The following KATNAL1 variants were observed in gnomAD, a reference collection of about 807,000 sequenced individuals.
KATNAL1 encodes the protein katanin p60 ATPase-containing subunit A-like 1.
Under a neutral mutation model 55.2 loss-of-function variants are expected in KATNAL1, and 32 were observed. The observed-to-expected ratio is 0.58, with a 90% CI of 0.44 to 0.78. KATNAL1 has a LOEUF of 0.78. Ranked by LOEUF, KATNAL1 falls within the 30% of genes least tolerant of loss-of-function variation. The pLI, the probability that KATNAL1 is intolerant of heterozygous loss-of-function variation, is 0.00. For missense variants in KATNAL1, 466 were observed against 600.9 expected, an observed-to-expected ratio of 0.78 and a Z score of 2.35; for synonymous variants, 193 against 193.6, an observed-to-expected ratio of 1.00 and a Z score of 0.02.
At chr13:30,223,132 T>C (rs1875053873) in intron 9 of KATNAL1, among the ~76,000 whole-genome samples, 2 of 150,556 alleles carry the variant, frequency 1.3e-5, no homozygotes, top group African/African-American at 2.4e-5. Context: ...ACTGGACAAA[T>C]AGCAAGGCTC....
intron 9 of KATNAL1, among the ~76,000 whole-genome samples, chr13:30,224,407 T>A (rs768646896): frequency 1.3e-5 from 2 of 151,750 alleles, no homozygotes; most frequent in Non-Finnish European, 2.9e-5. Context: ...CACAGTGACA[T>A]GTGTTTGTAG....
At chr13:30,287,115 T>A (rs904653004) in intron 1 of KATNAL1, among the ~76,000 whole-genome samples, 3 of 152,216 alleles carry the variant, frequency 2.0e-5, no homozygotes, top group Non-Finnish European at 4.4e-5. Context: ...TTTGGACTTT[T>A]GAGTCTGGAA....
Position 30,240,982 on chromosome 13 carries a change from T to C in KATNAL1, c.597A>G (p.Val199=), listed in dbSNP as rs1177140033. 1.9e-6 allele frequency: 3 copies of C among 1,613,182 alleles called. No individual in the cohort carries two copies. Among genetic ancestry groups the C allele is most frequent in the Non-Finnish European group, 2.5e-6 (3 of 1,179,664 alleles). ...ACCAATGAATGCTAGGATTCCTGGA[T>C]ACAATGTCTCTTTCAAGGGCTTCCA... ...DLVEALERDI[V]SRNPSIHWDD... is the part of the protein sequence containing the mutation. Residue 199 remains valine (V), a synonymous_variant, in exon 5 of 11, where the codon GTA becomes GTG. Coordinates refer to ENST00000380615, the MANE Select transcript of KATNAL1 (RefSeq NM_032116.5).
chr13:30,283,877 C>CTTT (rs34524152), intron 1 of KATNAL1, 86 bp from the exon 2 acceptor site: 109 of 695,654 alleles, frequency 1.6e-4, no homozygotes, highest in Middle Eastern at 4.4e-4. Context: ...TTTAAAACTA[C>CTTT]TTTTTTTTTT....
intron 1 of KATNAL1, among the ~76,000 whole-genome samples, chr13:30,291,925 C>A (rs986657725): frequency 6.6e-6 from 1 of 152,036 alleles, no homozygotes. Flanking sequence ...ATCCCAGCTA[C>A]TCGGGAGGCT....
chr13:30,251,910 T>A (rs934397291), intron 4 of KATNAL1, among the ~76,000 whole-genome samples: 1 of 152,198 alleles, frequency 6.6e-6, no homozygotes, highest in African/African-American at 2.4e-5. Context: ...TAGATCACTA[T>A]GCAAAGTGAT....
intron 3 of KATNAL1, among the ~76,000 whole-genome samples, chr13:30,270,749 C>G (rs1386361249): frequency 9.9e-5 from 15 of 151,238 alleles, no homozygotes; most frequent in African/African-American, 3.4e-4. Flanking sequence ...TCCCTAATCT[C>G]AAGTACCCAG....
In KATNAL1 at chr13:30,210,447, T is replaced by C; in HGVS notation, c.1148-5A>G. The C allele has an allele frequency of 6.3e-7, 1 of 1,595,182 alleles. No homozygotes were observed. The highest frequency in any genetic ancestry group is 8.5e-7 in the Non-Finnish European group (1 of 1,174,376). On this transcript the variant is annotated splice_region_variant and splice_polypyrimidine_tract_variant and intron_variant, in intron 9 of 10. Transcript: ENST00000380615. Reference sequence around the variant, plus strand: ...GAAGCTCAGCTCTTCCTTTTGCTGTTACAAGATTTTGGTGGTGTTGTTAGA... The same window carrying C: ...GAAGCTCAGCTCTTCCTTTTGCTGTCACAAGATTTTGGTGGTGTTGTTAGA...
Position 30,254,193 on chromosome 13 carries a change from T to A in KATNAL1, c.492+1254A>T, listed in dbSNP as rs138120180. On this transcript the variant is annotated intron_variant, in intron 4 of 10. Transcript: ENST00000380615. Reference sequence around the variant, plus strand: ...TATTCTCTATAATGCAAACCAATGTTAGCTGCATAAAAATGAAGAAAAGAA... The same window carrying A: ...TATTCTCTATAATGCAAACCAATGTAAGCTGCATAAAAATGAAGAAAAGAA... 3.1e-3 allele frequency among the ~76,000 whole-genome samples: 469 copies of A among 152,292 alleles called. 2 individuals are homozygous for A. The highest frequency in any genetic ancestry group is 0.011 in the African/African-American group (447 of 41,560).
At chr13:30,253,750 C>T (rs1419063287) in intron 4 of KATNAL1, among the ~76,000 whole-genome samples, 3 of 151,806 alleles carry the variant, frequency 2.0e-5, no homozygotes, top group African/African-American at 7.3e-5. Context: ...CATTTAAAAA[C>T]CAACATTTAA....
At chr13:30,221,417 A>G (rs1398456490) in intron 9 of KATNAL1, among the ~76,000 whole-genome samples, 4 of 152,240 alleles carry the variant, frequency 2.6e-5, no homozygotes, top group African/African-American at 9.6e-5. Flanking sequence ...AAAATACATA[A>G]TCTGTAATCC....
intron 4 of KATNAL1, among the ~76,000 whole-genome samples, chr13:30,253,533 C>T (rs551841264): frequency 1.3e-5 from 2 of 151,920 alleles, no homozygotes; most frequent in South Asian, 2.1e-4. Context: ...GGCATGGTAG[C>T]GGGTGCCTGT....
chr13:30,294,617 C>T (rs1300999679), intron 1 of KATNAL1, among the ~76,000 whole-genome samples: 1 of 152,196 alleles, frequency 6.6e-6, no homozygotes, highest in Non-Finnish European at 1.5e-5. Flanking sequence ...AGCAAGTTGT[C>T]TAGAACTAGC....
rs541897330 is a variant in KATNAL1 at position 30,213,675 on chromosome 13, CAT to C, written c.1148-3235_1148-3234del. ...TAAACAGAACCATAGACAAAAACCACATGATTATCTCAATAGATGCAGAAAAG... is the reference window on the plus strand; with the variant it reads ...TAAACAGAACCATAGACAAAAACCACGATTATCTCAATAGATGCAGAAAAG... On this transcript the variant is annotated intron_variant, in intron 9 of 10. Transcript: ENST00000380615. Among the ~76,000 whole-genome samples, 397 of 152,196 alleles carry C rather than the reference CAT, an allele frequency of 2.6e-3. 1 individual carries two copies. Among genetic ancestry groups the C allele is most frequent in the Admixed American group, 0.015 (230 of 15,294 alleles).
intron 8 of KATNAL1, 70 bp from the exon 9 acceptor site, chr13:30,227,616 T>G (rs1875639964): frequency 6.5e-7 from 1 of 1,533,796 alleles, no homozygotes; most frequent in African/African-American, 1.4e-5. Context: ...CAATTAACAT[T>G]TCTTTTAGCC....
intron 10 of KATNAL1, among the ~76,000 whole-genome samples, chr13:30,209,622 C>T (rs929185500): frequency 6.6e-6 from 1 of 152,192 alleles, no homozygotes; most frequent in Admixed American, 6.5e-5. Flanking sequence ...GTGTATCTTC[C>T]CCAGCTTACG....
At chr13:30,226,681 A>G (rs1875505603) in intron 9 of KATNAL1, among the ~76,000 whole-genome samples, 1 of 152,226 alleles carries the variant, frequency 6.6e-6, no homozygotes, top group Non-Finnish European at 1.5e-5. Flanking sequence ...TGTACTCATC[A>G]AATTATATAC....
intron 1 of KATNAL1, among the ~76,000 whole-genome samples, chr13:30,288,093 C>T (rs984694625): frequency 2.6e-5 from 4 of 152,136 alleles, no homozygotes; most frequent in Non-Finnish European, 5.9e-5. Context: ...TTAGTATTCC[C>T]TATCATCAAA....
chr13:30,239,706 A>C (rs1334923431), intron 6 of KATNAL1, among the ~76,000 whole-genome samples: 3 of 90,236 alleles, frequency 3.3e-5, no homozygotes, highest in African/African-American at 1.3e-4. Context: ...TTTTTTTTTG[A>C]GATGGAGTCT....
Sources: allele counts gnomAD v4.1 joint callset (sites outside exome capture counted in the v4.1 genomes callset), GRCh38; gene constraint gnomAD v4.1.1; transcripts MANE v1.5; gene names NCBI Gene and HGNC (gene_info 2026-07-23, HGNC 2026-07-21).